Variants in KRT40 observed in about 807,000 individuals in gnomAD.
The protein encoded by KRT40 is keratin 40, also known as keratin, type I cytoskeletal 40.
Under a neutral mutation model 43.5 loss-of-function variants are expected in KRT40, and 47 were observed. That is an observed-to-expected ratio of 1.08 (90% CI 0.86 to 1.38). The LOEUF (loss-of-function observed/expected upper bound fraction) is 1.38. Among genes scored for constraint, KRT40 ranks in the 40% most tolerant of loss-of-function variants. The pLI is 0.00. For missense variants in KRT40, 573 were observed against 523.6 expected (o/e 1.09, Z -0.92); for synonymous variants, 212 against 214.0 (o/e 0.99, Z 0.08).
chr17:40,983,066 G>A lies in KRT40; in HGVS notation c.510C>T (p.Ala170=). The change falls in exon 2 of 7, where the codon GCC becomes GCT. Residue 170 remains alanine (A), a synonymous_variant. Transcript: ENST00000377755. ...LAVQLDNCKL[A]TDDFKSKYES... ...CTTACTTTGACTTAAAGTCATCAGT[G>A]GCCAGTTTGCAGTTGTCAAGCTGTA... The A allele has an allele frequency of 7.0e-7, 1 of 1,433,210 alleles. No homozygotes were observed. The highest frequency in any genetic ancestry group is 9.8e-7 in the Non-Finnish European group (1 of 1,021,306). 88.8% of individuals were successfully genotyped at this position (1,433,210 alleles called of 1,614,324 possible).
At chr17:40,983,666 G>A (rs1912301663) in intron 1 of KRT40, among the ~76,000 whole-genome samples, 161 bp downstream of exon 1, 1 of 152,162 alleles carries the variant, frequency 6.6e-6, no homozygotes, top group South Asian at 2.1e-4. Flanking sequence ...GGCTGATGCT[G>A]AGGTTTTCTG....
chr17:40,983,186 C>T (rs1048615214), intron 1 of KRT40, 58 bp from the exon 2 acceptor site: 2 of 742,610 alleles, frequency 2.7e-6, no homozygotes. Flanking sequence ...AAGTAAACTT[C>T]TATCCAACAG....
chr17:40,983,806 C>T, intron 1 of KRT40, 21 bp downstream of exon 1: 1 of 1,606,922 alleles, frequency 6.2e-7, no homozygotes, highest in Non-Finnish European at 8.5e-7. Context: ...AGGTGGAGCA[C>T]TAGGGCAACA....
chr17:40,986,246 T>TA (rs200138499), upstream of KRT40: 63 of 141,886 alleles, frequency 4.4e-4, no homozygotes, highest in Middle Eastern at 3.4e-3. Flanking sequence ...GATAAATAAA[T>TA]AAAAAAAACC....
chr17:40,983,484 G>T (rs1055066938), intron 1 of KRT40, among the ~76,000 whole-genome samples: 3 of 152,152 alleles, frequency 2.0e-5, no homozygotes, highest in Admixed American at 6.5e-5. Context: ...TTACTAGGTA[G>T]TTAAAAAGAT....
chr17:40,978,787 G>A lies in KRT40; in HGVS notation c.1196+17C>T, dbSNP rs1411283288. 6.2e-7 allele frequency: 1 copy of A among 1,600,714 alleles called. No individual in the cohort carries two copies. The highest frequency in any genetic ancestry group is 8.5e-7 in the Non-Finnish European group (1 of 1,170,538). ...TTTGTGACTCTGGGGGATTTCATGA[G>A]TAACTGTGGAACTTGCCTGCTGTCC... On this transcript the variant is annotated intron_variant, in intron 6 of 6. Coordinates refer to ENST00000377755, the MANE Select transcript of KRT40 (RefSeq NM_001389244.1).
In KRT40 at chr17:40,978,089, T is replaced by C. The variant is rs1408180568; in HGVS notation, c.*108A>G. ...ATACCTGGAGGGCAATTCCAGGATA[T>C]GAGAGCCTCCTGGATTTGTGCTTCC... On this transcript the variant is annotated 3_prime_UTR_variant, in exon 7 of 7. Coordinates refer to ENST00000377755, the MANE Select transcript of KRT40 (RefSeq NM_001389244.1). 1 of 778,502 alleles carries C rather than the reference T, an allele frequency of 1.3e-6. No homozygotes were observed. The highest frequency in any genetic ancestry group is 1.6e-5 in the South Asian group (1 of 64,068). The allele number at this position is 778,502 out of a possible 1,614,324, so 48.2% of individuals were successfully genotyped here.
rs1912108310 is a variant in KRT40, at chr17:40,980,925, C to T, written c.850-15G>A. 2 of 1,614,062 alleles carry T rather than the reference C, an allele frequency of 1.2e-6. No individual in the cohort carries two copies. The highest frequency in any genetic ancestry group is 2.7e-5 in the African/African-American group (2 of 74,926). On this transcript the variant is annotated splice_polypyrimidine_tract_variant and intron_variant, in intron 4 of 6. Coordinates refer to ENST00000377755, the MANE Select transcript of KRT40 (RefSeq NM_001389244.1). ...AGCTCTTCTGTCTGAAACACAGACA[C>T]CATTAGAGAATTCAAAAAAGGCAGA...
In KRT40 at chr17:40,984,291, C is replaced by A; in HGVS notation, c.-18G>T. Reference sequence around the variant, plus strand: ...GAAGTCATCCTTCCAGAAGCAAAGACAGAGACTGGCTGCAAAACTTCAGTT... The same window carrying A: ...GAAGTCATCCTTCCAGAAGCAAAGAAAGAGACTGGCTGCAAAACTTCAGTT... On this transcript the variant is annotated 5_prime_UTR_variant, in exon 1 of 7. Transcript: ENST00000377755. 3 of 1,575,844 alleles carry A rather than the reference C, an allele frequency of 1.9e-6. No homozygotes were observed. Among genetic ancestry groups the A allele is most frequent in the Non-Finnish European group, 2.6e-6 (3 of 1,154,928 alleles).
chr17:40,985,744 A>C (rs544939561), upstream of KRT40, among the ~76,000 whole-genome samples: 5 of 152,328 alleles, frequency 3.3e-5, no homozygotes, highest in Non-Finnish European at 5.9e-5. Flanking sequence ...GTCTCATGGT[A>C]TATTGACGCT....
chr17:40,978,975 G>A lies in KRT40; in HGVS notation c.1025C>T (p.Ser342Phe), dbSNP rs1911963956. The change falls in exon 6 of 7, where the codon TCC becomes TTC. Residue 342 changes from serine (S) to phenylalanine (F), a missense_variant. Physicochemically the swap from Ser to Phe is radical, Grantham distance 155. Transcript: ENST00000377755. ...TVAETEAQYSSQLAQIQCLID... is the reference protein window; with the variant it reads ...TVAETEAQYSFQLAQIQCLID... ...CAGACACTGAATTTGGGCCAGCTGG[G>A]AGCTGTACTGGGCCTCGGTTTCTGC... 14 of 1,614,126 alleles carry A rather than the reference G, an allele frequency of 8.7e-6. No homozygotes were observed. The highest frequency in any genetic ancestry group is 1.2e-5 in the Non-Finnish European group (14 of 1,180,004).
In KRT40 at chr17:40,984,280, A is replaced by G; in HGVS notation, c.-7T>C. The G allele has an allele frequency of 6.3e-7, 1 of 1,594,910 alleles. No homozygotes were observed. ...AGGAGCAGTCAGAAGTCATCCTTCCAGAAGCAAAGACAGAGACTGGCTGCA... is the reference window on the plus strand; with the variant it reads ...AGGAGCAGTCAGAAGTCATCCTTCCGGAAGCAAAGACAGAGACTGGCTGCA... On this transcript the variant is annotated 5_prime_UTR_variant, in exon 1 of 7. Transcript: ENST00000377755.
At chr17:40,984,749 G>A (rs1247699370), upstream of KRT40, among the ~76,000 whole-genome samples, 3 of 152,062 alleles carry the variant, frequency 2.0e-5, no homozygotes, top group Non-Finnish European at 4.4e-5. Context: ...TTATTTGTTT[G>A]TGCCACCACC....
At chr17:40,979,133 A>G (rs552965019) in intron 5 of KRT40, 109 bp from the exon 6 acceptor site, 58 of 748,884 alleles carry the variant, frequency 7.7e-5, no homozygotes, top group Middle Eastern at 7.7e-4. Context: ...CCACTGGCAA[A>G]TTATTTAGCT....
chr17:40,978,745 T>C (rs1911939854), intron 6 of KRT40, 59 bp downstream of exon 6: 3 of 1,448,618 alleles, frequency 2.1e-6, no homozygotes, highest in African/African-American at 2.8e-5. Flanking sequence ...GAAACAGGAT[T>C]CTTTTACATC....
At chr17:40,980,659 A>G in intron 5 of KRT40, 126 bp downstream of exon 5, 1 of 1,255,600 alleles carries the variant, frequency 8.0e-7, no homozygotes, top group Non-Finnish European at 1.1e-6. Context: ...GCTTCTATTA[A>G]TAGCTGGGTA....
chr17:40,985,481 C>A (rs1016242889), upstream of KRT40, among the ~76,000 whole-genome samples: 1 of 151,976 alleles, frequency 6.6e-6, no homozygotes, highest in Non-Finnish European at 1.5e-5. Context: ...TTTTTAAGAA[C>A]ATTATAGGAA....
chr17:40,980,885 A>C lies in KRT40; in HGVS notation c.875T>G (p.Leu292Arg). Residue 292 changes from leucine to arginine, a missense_variant, in exon 5 of 7, where the codon CTG (leucine) becomes CGG (arginine). Coordinates refer to ENST00000377755, the MANE Select transcript of KRT40 (RefSeq NM_001389244.1). ...VQTEELNQQQ[L>R]SSAEQLQGCQ... Reference sequence around the variant, plus strand: ...GCCCTGCAGCTGCTCCGCGCTGGACAGTTGCTGCTGATTCAGCTCTTCTGT... The same window carrying C: ...GCCCTGCAGCTGCTCCGCGCTGGACCGTTGCTGCTGATTCAGCTCTTCTGT... The C allele has an allele frequency of 6.2e-7, 1 of 1,614,026 alleles. No homozygotes were observed.
intron 6 of KRT40, 128 bp from the exon 7 acceptor site, chr17:40,978,424 C>A (rs1911914785): frequency 2.7e-6 from 2 of 731,220 alleles, no homozygotes. Flanking sequence ...ATAGCATTGA[C>A]TGAAGCCTGT....
Sources: gnomAD v4.1 joint callset for allele counts (sites outside exome capture counted in the v4.1 genomes callset) on GRCh38, gnomAD v4.1.1 for gene constraint, MANE v1.5 for transcripts, NCBI Gene and HGNC (gene_info 2026-07-23, HGNC 2026-07-21) for gene names.